The following CC2D2B variants were observed in gnomAD, a reference collection of about 807,000 sequenced individuals.
CC2D2B encodes the protein coiled-coil and C2 domain containing 2B.
A neutral mutation model predicts 161.2 loss-of-function variants in CC2D2B; 128 were observed. The ratio of observed to expected loss-of-function variants is 0.79; its 90% confidence interval spans 0.69 to 0.92. The LOEUF is 0.92. CC2D2B is among the 40% of genes least tolerant of loss of function. CC2D2B has a pLI of 0.00. For synonymous variants in CC2D2B, 391 were observed against 449.8 expected, an observed-to-expected ratio of 0.87 and a Z score of 1.65; for missense variants, 1,173 against 1,375.1, an observed-to-expected ratio of 0.85 and a Z score of 2.32.
chr10:95,929,028 T>G (rs994414356), intron 6 of CC2D2B, among the ~76,000 whole-genome samples: 2 of 152,146 alleles, frequency 1.3e-5, no homozygotes, highest in Non-Finnish European at 2.9e-5. Flanking sequence ...AGTGTAAAAG[T>G]GTTCCTATTT....
At chr10:95,917,192 G>A (rs2098517905) in intron 2 of CC2D2B, among the ~76,000 whole-genome samples, 1 of 151,980 alleles carries the variant, frequency 6.6e-6, no homozygotes, top group Non-Finnish European at 1.5e-5. Flanking sequence ...TATAATTATA[G>A]CTATTCCTGC....
intron 11 of CC2D2B, among the ~76,000 whole-genome samples, chr10:95,961,266 G>A (rs535525311): frequency 2.4e-4 from 36 of 152,076 alleles, no homozygotes; most frequent in Non-Finnish European, 4.3e-4. Context: ...AGTGGCTTAC[G>A]CTTATAACCC....
Position 95,965,918 on chromosome 10 carries a change from G to A in CC2D2B, c.1273G>A (p.Glu425Lys). 8.3e-7 allele frequency: 1 copy of A among 1,200,948 alleles called. No homozygotes were observed. Among genetic ancestry groups the A allele is most frequent in the Non-Finnish European group, 1.0e-6 (1 of 960,430 alleles). 74.4% of individuals were successfully genotyped at this position (1,200,948 alleles called of 1,614,324 possible). Residue 425 changes from glutamate (E) to lysine (K), a missense_variant, in exon 13 of 35, where the codon GAA becomes AAA. Glu to Lys is a moderately conservative substitution (Grantham distance 56, BLOSUM62 1). Transcript: ENST00000646931. Reference protein sequence around the residue: ...VQRIKMNKCDEQEQISEMSET... With the variant: ...VQRIKMNKCDKQEQISEMSET... Reference sequence around the variant, plus strand: ...TAGGATTAAAATGAATAAATGTGATGAACAAGAGCAAATCTCAGAAATGTC... The same window carrying A: ...TAGGATTAAAATGAATAAATGTGATAAACAAGAGCAAATCTCAGAAATGTC...
intron 9 of CC2D2B, among the ~76,000 whole-genome samples, chr10:95,945,276 C>T (rs143363032): frequency 6.6e-6 from 1 of 152,336 alleles, no homozygotes; most frequent in East Asian, 1.9e-4. Flanking sequence ...ATGCCTCTAC[C>T]TGCCTTTCTC....
intron 7 of CC2D2B, 52 bp downstream of exon 7, chr10:95,938,241 G>A (rs2075896092): frequency 8.9e-7 from 1 of 1,128,830 alleles, no homozygotes; most frequent in Admixed American, 2.1e-5. Context: ...TTATGTTATG[G>A]GATAATAGCT....
intron 24 of CC2D2B, among the ~76,000 whole-genome samples, chr10:95,998,962 T>A (rs2078346727): frequency 6.6e-6 from 1 of 152,066 alleles, no homozygotes; most frequent in Middle Eastern, 3.2e-3. Context: ...ATGCCTGTAA[T>A]CCCAGCTACT....
intron 11 of CC2D2B, 90 bp downstream of exon 11, chr10:95,955,581 G>T: frequency 2.5e-6 from 1 of 394,936 alleles, no homozygotes; most frequent in Non-Finnish European, 4.5e-6. Context: ...ATAAAGAAAA[G>T]TACACAATCC....
rs964505087 is a variant in CC2D2B at position 95,968,853 on chromosome 10, A to G, written c.1596A>G (p.Gln532=). ...LQFDFKVMFQ[Q]IFNIQLMYWP... ...TTGATTTTAAAGTCATGTTTCAGCA[A>G]ATTTTCAATATTCAGTTAATGTATT... The change falls in exon 15 of 35, where the codon CAA becomes CAG. Residue 532 remains glutamine (Q), a synonymous_variant. Coordinates refer to ENST00000646931, the MANE Select transcript of CC2D2B (RefSeq NM_001349008.3). 6 of 1,229,384 alleles carry G rather than the reference A, an allele frequency of 4.9e-6. No homozygotes were observed. Among genetic ancestry groups the G allele is most frequent in the African/African-American group, 1.6e-5 (1 of 64,470 alleles). 76.2% of individuals were successfully genotyped at this position (1,229,384 alleles called of 1,614,324 possible). A position where few individuals can be genotyped will look rare whatever the true frequency, so the allele number is the denominator to read the frequency against.
intron 11 of CC2D2B, among the ~76,000 whole-genome samples, chr10:95,957,948 T>C (rs758710620): frequency 6.6e-6 from 1 of 150,490 alleles, no homozygotes. Context: ...TACCACATTA[T>C]TAGATTCAAA....
intron 15 of CC2D2B, among the ~76,000 whole-genome samples, chr10:95,971,744 G>A (rs1219080612): frequency 6.6e-6 from 1 of 151,960 alleles, no homozygotes; most frequent in Non-Finnish European, 1.5e-5. Flanking sequence ...ATTTTTATCA[G>A]ATTTACATGA....
chr10:95,982,808 T>A (rs189093630), intron 18 of CC2D2B, among the ~76,000 whole-genome samples: 4 of 152,152 alleles, frequency 2.6e-5, no homozygotes, highest in Non-Finnish European at 5.9e-5. Context: ...ACTCTCGTTC[T>A]GTTGCCAGGC....
chr10:95,989,461 G>T (rs747858427), intron 20 of CC2D2B, among the ~76,000 whole-genome samples: 1 of 152,118 alleles, frequency 6.6e-6, no homozygotes, highest in Non-Finnish European at 1.5e-5. Flanking sequence ...CTCATCCCCT[G>T]CCTCTCTTAC....
intron 6 of CC2D2B, among the ~76,000 whole-genome samples, chr10:95,930,394 T>C (rs1026053151): frequency 6.6e-6 from 1 of 152,232 alleles, no homozygotes; most frequent in Admixed American, 6.5e-5. Context: ...TATTTCTTTC[T>C]CTTGCCTGAT....
chr10:95,936,556 C>G (rs2075828343), intron 6 of CC2D2B, among the ~76,000 whole-genome samples: 3 of 152,120 alleles, frequency 2.0e-5, no homozygotes, highest in Admixed American at 2.0e-4. Flanking sequence ...TCTTCTGACC[C>G]CATTCACCCT....
intron 9 of CC2D2B, among the ~76,000 whole-genome samples, chr10:95,947,025 G>T (rs1257062830): frequency 7.0e-6 from 1 of 143,860 alleles, no homozygotes; most frequent in Non-Finnish European, 1.5e-5. Flanking sequence ...GAAAACCAAT[G>T]ATATTGAGCA....
intron 6 of CC2D2B, among the ~76,000 whole-genome samples, chr10:95,932,161 G>C (rs1424658446): frequency 6.6e-6 from 1 of 151,918 alleles, no homozygotes; most frequent in African/African-American, 2.4e-5. Flanking sequence ...TTTCATCTTT[G>C]TTGGTTTAAA....
intron 2 of CC2D2B, among the ~76,000 whole-genome samples, chr10:95,915,107 A>G (rs1294142069): frequency 6.6e-6 from 1 of 152,006 alleles, no homozygotes; most frequent in African/African-American, 2.4e-5. Context: ...TATAGTTCTC[A>G]TTGTGGACAT....
intron 25 of CC2D2B, among the ~76,000 whole-genome samples, chr10:96,009,074 T>A (rs932275094): frequency 3.3e-5 from 5 of 152,140 alleles, no homozygotes; most frequent in African/African-American, 1.2e-4. Context: ...TTCTTGTTTT[T>A]AAATATGGTT....
At chr10:95,959,809 G>A (rs1218992654) in intron 11 of CC2D2B, among the ~76,000 whole-genome samples, 1 of 152,078 alleles carries the variant, frequency 6.6e-6, no homozygotes, top group African/African-American at 2.4e-5. Context: ...GCAAAGTTAT[G>A]AAACACAGAA....
Sources: allele counts gnomAD v4.1 joint callset (sites outside exome capture counted in the v4.1 genomes callset), GRCh38; gene constraint gnomAD v4.1.1; transcripts MANE v1.5; gene names NCBI Gene and HGNC (gene_info 2026-07-23, HGNC 2026-07-21).